Variants in HSDL2 observed in about 807,000 individuals in gnomAD.
HSDL2 encodes the protein hydroxysteroid dehydrogenase like 2.
In HSDL2, 27 loss-of-function variants were observed where a neutral mutation model predicts 46.3. The observed-to-expected ratio is 0.58, with a 90% CI of 0.43 to 0.80. HSDL2 has a LOEUF of 0.80. Ranked by LOEUF, HSDL2 falls within the 30% of genes least tolerant of loss-of-function variation. The pLI, the probability that HSDL2 is intolerant of heterozygous loss-of-function variation, is 0.00. For missense variants in HSDL2, 451 were observed against 502.7 expected (o/e 0.90, Z 0.98); for synonymous variants, 153 against 163.6 (o/e 0.94, Z 0.50).
At chr9:112,397,757 A>G (rs903119091) in intron 1 of HSDL2, among the ~76,000 whole-genome samples, 2 of 152,160 alleles carry the variant, frequency 1.3e-5, no homozygotes, top group African/African-American at 4.8e-5. Flanking sequence ...CTTTTGCCAA[A>G]AGGTCCCAGT....
intron 6 of HSDL2, among the ~76,000 whole-genome samples, chr9:112,426,649 T>A (rs1368975444): frequency 1.3e-5 from 2 of 152,180 alleles, no homozygotes; most frequent in African/African-American, 4.8e-5. Flanking sequence ...GAAAAATCGA[T>A]AGTGCAGCAG....
rs115460539 is a variant in HSDL2 at position 112,427,972 on chromosome 9, A to G, written c.598+9014A>G. Among the ~76,000 whole-genome samples the G allele has an allele frequency of 3.0e-3, 451 of 152,340 alleles. 1 individual carries two copies. The highest frequency in any genetic ancestry group is 0.01 in the African/African-American group (427 of 41,574). On this transcript the variant is annotated intron_variant, in intron 6 of 10. Transcript: ENST00000398805. ...AGCATATTTAATCCAGCATTTATGC[A>G]AAGTATTATTAAAGCCCTGGTGGTA...
intron 6 of HSDL2, among the ~76,000 whole-genome samples, chr9:112,425,910 G>GTA (rs1832233409): frequency 6.6e-6 from 1 of 151,656 alleles, no homozygotes; most frequent in Non-Finnish European, 1.5e-5. Context: ...CAGTTTTTGT[G>GTA]TGTATGTGTG....
rs1195242637 is a variant in HSDL2 at position 112,428,345 on chromosome 9, T to C, written c.598+9387T>C. On this transcript the variant is annotated intron_variant, in intron 6 of 10. Coordinates refer to ENST00000398805, the MANE Select transcript of HSDL2 (RefSeq NM_032303.5). The stretch of plus-strand genomic sequence containing the variant: ...GGTCCTCACTGTGGGACCAAAACCA[T>C]GTTTTATTGCTTCTTTGTTTCCTTT... 2.6e-5 allele frequency among the ~76,000 whole-genome samples: 4 copies of C among 152,228 alleles called. No homozygotes were observed. The East Asian group carries it at 7.7e-4, about 29-fold the overall frequency.
At chr9:112,418,476 G>A (rs954829407) in intron 5 of HSDL2, among the ~76,000 whole-genome samples, 3 of 151,632 alleles carry the variant, frequency 2.0e-5, no homozygotes, top group East Asian at 3.9e-4. Flanking sequence ...CCAGCTACTC[G>A]GGAGGCTGAG....
chr9:112,411,896 A>G (rs1831876515), intron 4 of HSDL2, among the ~76,000 whole-genome samples: 1 of 152,254 alleles, frequency 6.6e-6, no homozygotes, highest in South Asian at 2.1e-4. Context: ...GCTTAAAAAT[A>G]TAAACCTAGC....
intron 8 of HSDL2, among the ~76,000 whole-genome samples, chr9:112,448,625 C>G (rs1832803663): frequency 6.6e-6 from 1 of 152,060 alleles, no homozygotes; most frequent in Admixed American, 6.6e-5. Context: ...CTTCTTGGCT[C>G]ACTGCAACGT....
chr9:112,419,151 G>C (rs528490073), intron 6 of HSDL2, among the ~76,000 whole-genome samples, 193 bp downstream of exon 6: 1 of 142,658 alleles, frequency 7.0e-6, no homozygotes, highest in Non-Finnish European at 1.5e-5. Flanking sequence ...TGGGACTATA[G>C]GTGCACACCA....
chr9:112,392,078 T>C (rs1056831577), intron 1 of HSDL2, among the ~76,000 whole-genome samples: 3 of 152,060 alleles, frequency 2.0e-5, no homozygotes, highest in Non-Finnish European at 2.9e-5. Context: ...AGGGGTGACA[T>C]CACATATCAG....
chr9:112,438,261 CA>C (rs1298038007), intron 6 of HSDL2, among the ~76,000 whole-genome samples, 169 bp from the exon 7 acceptor site: 2 of 151,844 alleles, frequency 1.3e-5, no homozygotes, highest in Non-Finnish European at 2.9e-5. Context: ...AACAAAAAAA[CA>C]AAAAAAATTT....
chr9:112,428,854 C>G (rs1289189783), intron 6 of HSDL2, among the ~76,000 whole-genome samples: 2 of 152,106 alleles, frequency 1.3e-5, no homozygotes, highest in Non-Finnish European at 2.9e-5. Flanking sequence ...TAACAAAGTT[C>G]TAACATATTA....
intron 9 of HSDL2, among the ~76,000 whole-genome samples, chr9:112,457,778 C>T (rs1833075896): frequency 6.6e-6 from 1 of 152,202 alleles, no homozygotes; most frequent in Non-Finnish European, 1.5e-5. Flanking sequence ...TATGCAGTTA[C>T]CTAGTCTTAT....
chr9:112,402,550 TA>T (rs34600812), intron 1 of HSDL2, among the ~76,000 whole-genome samples: 200 of 140,158 alleles, frequency 1.4e-3, no homozygotes, highest in Non-Finnish European at 1.7e-3. Context: ...AGAGCTGTCT[TA>T]AAAAAAAAAA....
intron 8 of HSDL2, among the ~76,000 whole-genome samples, chr9:112,444,009 A>G (rs1832697422): frequency 6.6e-6 from 1 of 152,220 alleles, no homozygotes; most frequent in Non-Finnish European, 1.5e-5. Context: ...CACATAAGCA[A>G]TGCTCTTACC....
At chr9:112,418,752 CAT>C (rs1832053986) in intron 5 of HSDL2, 106 bp from the exon 6 acceptor site, 4 of 483,102 alleles carry the variant, frequency 8.3e-6, no homozygotes, top group East Asian at 4.0e-5. Flanking sequence ...TACATGCACA[CAT>C]ATATCAGGAA....
chr9:112,413,055 A>G (rs1378755127), intron 4 of HSDL2, among the ~76,000 whole-genome samples: 1 of 152,188 alleles, frequency 6.6e-6, no homozygotes, highest in African/African-American at 2.4e-5. Context: ...AAAATTAAAT[A>G]TTGCTCCCAG....
At chr9:112,395,822 G>T (rs796644161) in intron 1 of HSDL2, among the ~76,000 whole-genome samples, 1 of 152,178 alleles carries the variant, frequency 6.6e-6, no homozygotes, top group Non-Finnish European at 1.5e-5. Context: ...GAAAGAGGAG[G>T]TTCCACATTT....
chr9:112,399,924 G>C lies in HSDL2; in HGVS notation c.18-4071G>C, dbSNP rs1831550246. ...AACACAATTATCACAGTGGTCCTGA[G>C]GTGACGTACATCCTCAGCTTACGAA... On this transcript the variant is annotated intron_variant, in intron 1 of 10. Coordinates refer to ENST00000398805, the MANE Select transcript of HSDL2 (RefSeq NM_032303.5). Among the ~76,000 whole-genome samples, 3 of 152,284 alleles carry C rather than the reference G, an allele frequency of 2.0e-5. No homozygotes were observed. The South Asian group carries it at 6.2e-4, about 32-fold the overall frequency.
intron 6 of HSDL2, among the ~76,000 whole-genome samples, chr9:112,420,600 G>C (rs1201160738): frequency 6.6e-6 from 1 of 151,994 alleles, no homozygotes; most frequent in Non-Finnish European, 1.5e-5. Flanking sequence ...AAGTCCGGGG[G>C]TTGAAGGCTG....
Sources: gnomAD v4.1 joint callset for allele counts (sites outside exome capture counted in the v4.1 genomes callset) on GRCh38, gnomAD v4.1.1 for gene constraint, MANE v1.5 for transcripts, NCBI Gene and HGNC (gene_info 2026-07-23, HGNC 2026-07-21) for gene names.